The following PLXNB2 variants were observed in gnomAD, a reference collection of about 807,000 sequenced individuals.
PLXNB2 encodes the protein plexin-B2.
Under a neutral mutation model 202.6 loss-of-function variants are expected in PLXNB2, and 85 were observed. The observed-to-expected ratio is 0.42, with a 90% CI of 0.35 to 0.50. The LOEUF (loss-of-function observed/expected upper bound fraction) is 0.50. Ranked by LOEUF, PLXNB2 falls within the 20% of genes least tolerant of loss-of-function variation. The pLI is 0.02. For missense variants in PLXNB2, 2,063 were observed against 2,586.2 expected (o/e 0.80, Z 4.39); for synonymous variants, 1,239 against 1,137.6 (o/e 1.09, Z -1.79).
In PLXNB2 at chr22:50,275,967, G is replaced by T; in HGVS notation, c.5338-4C>A. ...TGTTCAAGGAGTCCGTGTGCGCCTG[G>T]GGGGTGACGGGACAGTCAGGGTGGA... On this transcript the variant is annotated splice_region_variant and splice_polypyrimidine_tract_variant and intron_variant, in intron 35 of 36. Coordinates refer to ENST00000359337, the MANE Select transcript of PLXNB2 (RefSeq NM_012401.4). 1 of 1,612,300 alleles carries T rather than the reference G, an allele frequency of 6.2e-7. No homozygotes were observed. Among genetic ancestry groups the T allele is most frequent in the South Asian group, 1.1e-5 (1 of 91,068 alleles).
Position 50,294,080 on chromosome 22 carries a change from C to T in PLXNB2, c.-14+639G>A, listed in dbSNP as rs148244608. ...ACCCACCGGACCAGCAGCAAAGCTC[C>T]GGCGGCGCAGGAGGCGCCAGGCACA... On this transcript the variant is annotated intron_variant, in intron 2 of 36. Transcript: ENST00000359337. Among the ~76,000 whole-genome samples, 1,460 of 152,362 alleles carry T rather than the reference C, an allele frequency of 9.6e-3. 89 individuals carry two copies. Among genetic ancestry groups the T allele is most frequent in the Admixed American group, 0.087 (1,325 of 15,298 alleles).
Position 50,307,602 on chromosome 22 carries a change from T to G in PLXNB2, c.-123A>C, listed in dbSNP as rs1396855670. On this transcript the variant is annotated 5_prime_UTR_variant, in exon 1 of 37. Transcript: ENST00000359337. ...ATGGCGCCCGGGCCGCGCTCGGCGC[T>G]GCGCTCTGGCCCGCGCTGCTGCCAT... 6 of 981,516 alleles carry G rather than the reference T, an allele frequency of 6.1e-6. No individual in the cohort carries two copies. The highest frequency in any genetic ancestry group is 1.0e-3 in the Middle Eastern group (2 of 1,910). 60.8% of individuals were successfully genotyped at this position (981,516 alleles called of 1,614,324 possible). A position where few individuals can be genotyped will look rare whatever the true frequency, so the allele number is the denominator to read the frequency against.
At chr22:50,307,498 CCCCCCCCACGCCCAGCGAGACGT>C in intron 1 of PLXNB2, 32 bp downstream of exon 1, 1 of 862,116 alleles carries the variant, frequency 1.2e-6, no homozygotes, top group Non-Finnish European at 1.4e-6. Context: ...GACGGCGAAG[CCCCCCCCACGCCCAGCGAGACGT>C]CCCCCGCAGC....
chr22:50,302,889 GCCCT>G (rs2067761395), intron 1 of PLXNB2, among the ~76,000 whole-genome samples: 1 of 152,166 alleles, frequency 6.6e-6, no homozygotes, highest in African/African-American at 2.4e-5. Context: ...AGTGTTCTGT[GCCCT>G]CCATCTCCTC....
At chr22:50,280,395 G>T in intron 25 of PLXNB2, 94 bp downstream of exon 25, 1 of 1,230,252 alleles carries the variant, frequency 8.1e-7, no homozygotes, top group Non-Finnish European at 1.1e-6. Context: ...CGGCTCCTGG[G>T]GGCCCAACAG....
At position 50,287,711 on chromosome 22, in the gene PLXNB2, T is replaced by C. The variant is rs2066564239; in HGVS notation, c.1564A>G (p.Thr522Ala). Reference sequence around the variant, plus strand: ...CTCATGTTCTGTGGCTGGGCGCTGGTGACGGCCACGCAGGACTTGCTTCGG... The same window carrying C: ...CTCATGTTCTGTGGCTGGGCGCTGGCGACGGCCACGCAGGACTTGCTTCGG... Reference protein sequence around the residue: ...WSRSKSCVAVTSAQPQNMSRR... With the variant: ...WSRSKSCVAVASAQPQNMSRR... Residue 522 changes from threonine to alanine, a missense_variant, in exon 7 of 37, where the codon ACC (threonine) becomes GCC (alanine). Transcript: ENST00000359337. 1 of 1,563,454 alleles carries C rather than the reference T, an allele frequency of 6.4e-7. No homozygotes were observed.
intron 15 of PLXNB2, 68 bp from the exon 16 acceptor site, chr22:50,283,513 C>G (rs1012740594): frequency 4.5e-6 from 7 of 1,555,596 alleles, no homozygotes; most frequent in Non-Finnish European, 6.1e-6. Flanking sequence ...ACCCTCACCC[C>G]CTCAGCCTCC....
intron 30 of PLXNB2, 44 bp from the exon 31 acceptor site, chr22:50,278,315 G>A (rs779887492): frequency 6.4e-5 from 102 of 1,596,248 alleles, no homozygotes; most frequent in Non-Finnish European, 8.6e-5. Flanking sequence ...AGGTCTGGGG[G>A]CCTGGGTCCC....
At chr22:50,287,882 G>A (rs2066582386) in intron 6 of PLXNB2, 55 bp downstream of exon 6, 49 of 1,585,480 alleles carry the variant, frequency 3.1e-5, no homozygotes, top group South Asian at 5.7e-5. Flanking sequence ...CCCAGGCCAC[G>A]ACCTTCCGGG....
rs1392806122 is a variant in PLXNB2, at chr22:50,275,885, C to T, written c.5412+4G>A. The stretch of plus-strand genomic sequence containing the variant: ...TGCCCCCGCCCCCGGGGGCCTGACC[C>T]TACCTCGTCATAGTACTTCTGCGTG... On this transcript the variant is annotated splice_donor_region_variant and intron_variant, in intron 36 of 36. Transcript: ENST00000359337. 1 of 1,612,558 alleles carries T rather than the reference C, an allele frequency of 6.2e-7. No homozygotes were observed. Among genetic ancestry groups the T allele is most frequent in the Admixed American group, 1.7e-5 (1 of 60,016 alleles).
chr22:50,281,051 A>G (rs879409075), intron 23 of PLXNB2, 38 bp downstream of exon 23: 1 of 1,603,278 alleles, frequency 6.2e-7, no homozygotes, highest in Non-Finnish European at 8.5e-7. Flanking sequence ...TCCCCGCCCC[A>G]GGAGGCGCCC....
At position 50,280,938 on chromosome 22, in the gene PLXNB2, C is replaced by G. The variant is rs375409236; in HGVS notation, c.3799G>C (p.Val1267Leu). 1 of 1,613,324 alleles carries G rather than the reference C, an allele frequency of 6.2e-7. No individual in the cohort carries two copies. Among genetic ancestry groups the G allele is most frequent in the South Asian group, 1.1e-5 (1 of 91,082 alleles). Residue 1267 changes from valine to leucine, a missense_variant, in exon 24 of 37, where the codon GTG (valine) becomes CTG (leucine). This residue lies in a region of PLXNB2 where 760 missense variants were observed against 1,109.4 expected (regional missense o/e 0.69). Coordinates refer to ENST00000359337, the MANE Select transcript of PLXNB2 (RefSeq NM_012401.4). ...AGCACGGGGATGCCGGCCTCGTGCA[C>G]GTCGTTGGTCTGGTCCTCCATCTCG... ...MIEMEDQTND[V>L]HEAGIPVLDY...
rs1048551840 is a variant in PLXNB2, at chr22:50,288,114, C to T, written c.1381-77G>A. 13 of 1,145,110 alleles carry T rather than the reference C, an allele frequency of 1.1e-5. No homozygotes were observed. The highest frequency in any genetic ancestry group is 2.7e-5 in the South Asian group (2 of 74,238). The allele number at this position is 1,145,110 out of a possible 1,614,324, so 70.9% of individuals were successfully genotyped here. Reference sequence around the variant, plus strand: ...CCGCAGACCCCAGATGTCCCCAGACCGCCAGCTTGACCCAGCTCTGTCCCG... The same window carrying T: ...CCGCAGACCCCAGATGTCCCCAGACTGCCAGCTTGACCCAGCTCTGTCCCG... On this transcript the variant is annotated intron_variant, in intron 5 of 36. Coordinates refer to ENST00000359337, the MANE Select transcript of PLXNB2 (RefSeq NM_012401.4). The surrounding 1 kb of genome is among the most constrained non-coding windows in gnomAD (Gnocchi z 5.0).
intron 35 of PLXNB2, 100 bp from the exon 36 acceptor site, chr22:50,276,063 A>G (rs2065535611): frequency 3.7e-6 from 4 of 1,085,472 alleles, no homozygotes; most frequent in Non-Finnish European, 5.6e-6. Flanking sequence ...TCCCCGGGGA[A>G]GCAGCTGGGG....
Position 50,275,283 on chromosome 22 carries a change from CAG to C in PLXNB2, c.*419_*420del, listed in dbSNP as rs2065467330. On this transcript the variant is annotated 3_prime_UTR_variant, in exon 37 of 37. Transcript: ENST00000359337. ...CTCCTCCCATCTCGTGGTGGACAGA[CAG>C]ACATAGGATCTGGGAACTTGCCCTG... 4.8e-6 allele frequency: 2 copies of C among 413,684 alleles called. No homozygotes were observed. Among genetic ancestry groups the C allele is most frequent in the African/African-American group, 4.2e-5 (2 of 47,900 alleles). 25.6% of individuals were successfully genotyped at this position (413,684 alleles called of 1,614,324 possible).
chr22:50,286,439 G>A, intron 8 of PLXNB2, 152 bp from the exon 9 acceptor site: 2 of 614,574 alleles, frequency 3.3e-6, no homozygotes, highest in South Asian at 1.9e-5. Context: ...GTTGGGCGGG[G>A]CCTGCCACCT....
intron 1 of PLXNB2, among the ~76,000 whole-genome samples, chr22:50,301,715 C>T (rs565436039): frequency 7.9e-5 from 12 of 152,346 alleles, no homozygotes; most frequent in South Asian, 2.1e-4. Context: ...TTCTCACCCC[C>T]GGGGTGGGCG....
In PLXNB2 at chr22:50,297,679, G is replaced by T. The variant is rs909441785; in HGVS notation, c.-73-2901C>A. 7.9e-5 allele frequency among the ~76,000 whole-genome samples: 12 copies of T among 152,156 alleles called. No homozygotes were observed. Among genetic ancestry groups the T allele is most frequent in the African/African-American group, 1.7e-4 (7 of 41,426 alleles). On this transcript the variant is annotated intron_variant, in intron 1 of 36. Transcript: ENST00000359337. The surrounding 1 kb of genome is among the most constrained non-coding windows in gnomAD (Gnocchi z 5.3). ...GGAGTTTCTTCCTTAGGTGGCTGTG[G>T]TCACACCTGACGCTGCTGCACCCAG...
At chr22:50,292,148 C>T (rs1398840320) in intron 2 of PLXNB2, among the ~76,000 whole-genome samples, 3 of 152,000 alleles carry the variant, frequency 2.0e-5, no homozygotes, top group Admixed American at 6.5e-5. Context: ...CCAGCCTGGC[C>T]AACATGGTGA....
Sources: allele counts gnomAD v4.1 joint callset (sites outside exome capture counted in the v4.1 genomes callset), GRCh38; gene constraint gnomAD v4.1.1; regional missense constraint gnomAD v4.1.1; non-coding constraint Gnocchi (gnomAD v3.1); transcripts MANE v1.5; gene names NCBI Gene and HGNC (gene_info 2026-07-23, HGNC 2026-07-21).